Variants in KANSL1L observed in about 807,000 individuals in gnomAD.
The protein encoded by KANSL1L is KAT8 regulatory NSL complex subunit 1-like protein.
A neutral mutation model predicts 108.6 loss-of-function variants in KANSL1L; 25 were observed. That is an observed-to-expected ratio of 0.23 (90% CI 0.17 to 0.32). The LOEUF is 0.32. Among genes scored for constraint, KANSL1L ranks in the 10% least tolerant of loss-of-function variants. The pLI, the probability that KANSL1L is intolerant of heterozygous loss-of-function variation, is 1.00. For synonymous variants in KANSL1L, 405 were observed against 395.1 expected (o/e 1.03, Z -0.30); for missense variants, 1,137 against 1,125.7 (o/e 1.01, Z -0.14).
At chr2:210,169,204 T>A (rs919165956) in intron 1 of KANSL1L, among the ~76,000 whole-genome samples, 1 of 152,082 alleles carries the variant, frequency 6.6e-6, no homozygotes, top group African/African-American at 2.4e-5. Flanking sequence ...TAATTCCTCT[T>A]CTACAAATCT....
At chr2:210,147,452 C>CTAAAAA (rs966281458) in intron 2 of KANSL1L, among the ~76,000 whole-genome samples, 3 of 152,236 alleles carry the variant, frequency 2.0e-5, no homozygotes, top group East Asian at 1.9e-4. Context: ...GACCTTTTCC[C>CTAAAAA]TAAAAATAAA....
At chr2:210,068,299 G>GT (rs200180875) in intron 6 of KANSL1L, among the ~76,000 whole-genome samples, 3,681 of 151,144 alleles carry the variant, frequency 0.024, 64 homozygotes, top group Non-Finnish European at 0.034. Flanking sequence ...CTTTTTTCTT[G>GT]TTTTTTTTAG....
chr2:210,095,740 T>C (rs915379401), intron 5 of KANSL1L, among the ~76,000 whole-genome samples: 1 of 152,174 alleles, frequency 6.6e-6, no homozygotes, highest in South Asian at 2.1e-4. Context: ...AGATAAATTA[T>C]GCATTTTAGA....
In KANSL1L at chr2:210,021,633, A is replaced by G. The variant is rs1483669072; in HGVS notation, c.*1316T>C. 1 of 152,530 alleles carries G rather than the reference A, an allele frequency of 6.6e-6. No homozygotes were observed. The highest frequency in any genetic ancestry group is 1.5e-5 in the Non-Finnish European group (1 of 67,960). 9.4% of individuals were successfully genotyped at this position (152,530 alleles called of 1,614,324 possible). On this transcript the variant is annotated 3_prime_UTR_variant, in exon 15 of 15. Transcript: ENST00000281772. ...CTTAAAAGGACTAGTATAATTTCCA[A>G]TCTCTAACAAAAACTTAGTGTCAAA... is the stretch of plus-strand genomic sequence containing the variant.
intron 1 of KANSL1L, among the ~76,000 whole-genome samples, 195 bp downstream of exon 1, chr2:210,170,954 C>A (rs1484667906): frequency 6.7e-6 from 1 of 150,260 alleles, no homozygotes; most frequent in Admixed American, 6.7e-5. Context: ...TGCGGTCAGA[C>A]CCCCGCCCTA....
Position 210,031,478 on chromosome 2 carries a change from A to C in KANSL1L, c.2098T>G (p.Ser700Ala). ...CTTCCCTGTAACAGTTGTGCAGAAGATTCTGACCTTATTTGAGGCTTACAT... is the reference window on the plus strand; with the variant it reads ...CTTCCCTGTAACAGTTGTGCAGAAGCTTCTGACCTTATTTGAGGCTTACAT... ...PICKPQIRSE[S>A]SAQLLQGRKK... Residue 700 changes from serine (S) to alanine (A), a missense_variant, in exon 9 of 15, where the codon TCT (serine) becomes GCT (alanine). Physicochemically the swap from Ser to Ala is moderately conservative, Grantham distance 99. This residue lies in a region of KANSL1L where 575 missense variants were observed against 567.1 expected (regional missense o/e 1.01). Transcript: ENST00000281772. The C allele has an allele frequency of 6.3e-7, 1 of 1,590,404 alleles. No homozygotes were observed. The highest frequency in any genetic ancestry group is 8.6e-7 in the Non-Finnish European group (1 of 1,159,760).
intron 7 of KANSL1L, 60 bp from the exon 8 acceptor site, chr2:210,040,587 C>CAA: frequency 2.9e-6 from 2 of 683,922 alleles, no homozygotes; most frequent in Non-Finnish European, 4.8e-6. Flanking sequence ...ACTAGGATTA[C>CAA]AGATTGTAAC....
At chr2:210,163,575 A>C (rs1264065236) in intron 1 of KANSL1L, among the ~76,000 whole-genome samples, 1 of 152,176 alleles carries the variant, frequency 6.6e-6, no homozygotes, top group Non-Finnish European at 1.5e-5. Flanking sequence ...CAGAAGGAGA[A>C]GAGAAAAAGA....
intron 3 of KANSL1L, among the ~76,000 whole-genome samples, chr2:210,107,939 A>G: frequency 6.6e-6 from 1 of 152,188 alleles, no homozygotes. Flanking sequence ...TTGAAACAGG[A>G]TATTTACAAA....
chr2:210,036,937 T>G lies in KANSL1L; in HGVS notation c.2029+3483A>C, dbSNP rs370761034. Among the ~76,000 whole-genome samples, 3 of 151,292 alleles carry G rather than the reference T, an allele frequency of 2.0e-5. No homozygotes were observed. In the East Asian group the frequency reaches 5.9e-4, roughly 30 times the overall value. On this transcript the variant is annotated intron_variant, in intron 8 of 14. Transcript: ENST00000281772. ...ATGCCCAGCTAATTTTTGTATTTTTTGTAGAGATGGGGTTTCACTATATTT... is the reference window on the plus strand; with the variant it reads ...ATGCCCAGCTAATTTTTGTATTTTTGGTAGAGATGGGGTTTCACTATATTT...
intron 2 of KANSL1L, among the ~76,000 whole-genome samples, chr2:210,133,927 C>G (rs1294677565): frequency 6.6e-6 from 1 of 151,968 alleles, no homozygotes; most frequent in Non-Finnish European, 1.5e-5. Flanking sequence ...TTCCTTCAGC[C>G]TGAAGATCAT....
chr2:210,110,635 A>G (rs1045108787), intron 3 of KANSL1L, among the ~76,000 whole-genome samples: 2 of 152,214 alleles, frequency 1.3e-5, no homozygotes, highest in Non-Finnish European at 2.9e-5. Context: ...GACAAATGAG[A>G]TTAAAAAATT....
chr2:210,081,330 T>G (rs1003741846), intron 5 of KANSL1L, among the ~76,000 whole-genome samples: 2 of 152,210 alleles, frequency 1.3e-5, no homozygotes, highest in Non-Finnish European at 2.9e-5. Flanking sequence ...ATGTTATTTT[T>G]GCTTCCTAGA....
At position 210,083,777 on chromosome 2, in the gene KANSL1L, C is replaced by T. The variant is rs546560359; in HGVS notation, c.1551-8021G>A. Among the ~76,000 whole-genome samples, 11 of 141,200 alleles carry T rather than the reference C, an allele frequency of 7.8e-5. No individual in the cohort carries two copies. In the South Asian group the frequency reaches 1.1e-3, roughly 14 times the overall value. 92.6% of individuals were successfully genotyped at this position (141,200 alleles called of 152,430 possible). A position where few individuals can be genotyped will look rare whatever the true frequency, so the allele number is the denominator to read the frequency against. On this transcript the variant is annotated intron_variant, in intron 5 of 14. Coordinates refer to ENST00000281772, the MANE Select transcript of KANSL1L (RefSeq NM_152519.4). ...CCGGGAGGCAGAGCTTGCAGTGAGC[C>T]GAGATCATGCCACTGCACTCCAGCC...
chr2:210,171,654 G>T (rs1466975216), upstream of KANSL1L: 2 of 152,048 alleles, frequency 1.3e-5, no homozygotes, highest in Non-Finnish European at 2.9e-5. Context: ...CATCCCTGGC[G>T]AGGGGGAAAA....
intron 3 of KANSL1L, among the ~76,000 whole-genome samples, chr2:210,120,509 A>C (rs2095005920): frequency 6.6e-6 from 1 of 152,248 alleles, no homozygotes; most frequent in African/African-American, 2.4e-5. Context: ...GATGGATTAA[A>C]GCCTTAAATG....
intron 1 of KANSL1L, among the ~76,000 whole-genome samples, chr2:210,162,071 A>AT (rs1417951446): frequency 8.8e-4 from 127 of 143,880 alleles, no homozygotes; most frequent in Middle Eastern, 3.7e-3. Context: ...TTTAAAAAAA[A>AT]AAAAAATATA....
At chr2:210,035,394 C>T (rs568994447) in intron 8 of KANSL1L, 48 of 152,302 alleles carry the variant, frequency 3.2e-4, no homozygotes, top group African/African-American at 1.1e-3. Context: ...TCTAATGGAC[C>T]ATACAGGATA....
chr2:210,050,918 AT>A (rs879820061), intron 6 of KANSL1L, among the ~76,000 whole-genome samples: 1 of 151,792 alleles, frequency 6.6e-6, no homozygotes. Context: ...TAATTTTTGT[AT>A]TTTTTTGTAG....
Sources: gnomAD v4.1 joint callset for allele counts (sites outside exome capture counted in the v4.1 genomes callset) on GRCh38, gnomAD v4.1.1 for gene constraint, gnomAD v4.1.1 regional missense constraint, MANE v1.5 for transcripts, NCBI Gene and HGNC (gene_info 2026-07-23, HGNC 2026-07-21) for gene names.